BAIAP2L1: variants seen among roughly 807,000 people sequenced by gnomAD.
BAIAP2L1 encodes the protein BAR/IMD domain containing adaptor protein 2 like 1.
In BAIAP2L1, 35 loss-of-function variants were observed where a neutral mutation model predicts 66.3. The observed-to-expected ratio is 0.53, with a 90% CI of 0.40 to 0.70. The LOEUF (loss-of-function observed/expected upper bound fraction) is 0.70. Ranked by LOEUF, BAIAP2L1 falls within the 30% of genes least tolerant of loss-of-function variation. The probability of loss-of-function intolerance (pLI) is 0.00; values close to 1 mark genes in which losing one functional copy is unlikely to be tolerated. For missense variants in BAIAP2L1, 622 were observed against 656.9 expected, an observed-to-expected ratio of 0.95 and a Z score of 0.58; for synonymous variants, 269 against 248.7, an observed-to-expected ratio of 1.08 and a Z score of -0.77.
chr7:98,400,694 C>A, intron 1 of BAIAP2L1, 108 bp downstream of exon 1: 1 of 1,246,448 alleles, frequency 8.0e-7, no homozygotes, highest in Non-Finnish European at 1.1e-6. Flanking sequence ...TGGAAGGACG[C>A]GGGGGAGGGG....
intron 12 of BAIAP2L1, among the ~76,000 whole-genome samples, chr7:98,301,241 C>T (rs1032866480): frequency 1.3e-5 from 2 of 152,194 alleles, no homozygotes; most frequent in African/African-American, 2.4e-5. Flanking sequence ...TCCCTGTGGG[C>T]GTCACCTCCA....
At chr7:98,340,958 G>GTTTTT (rs1562776656) in intron 3 of BAIAP2L1, among the ~76,000 whole-genome samples, 6 of 59,702 alleles carry the variant, frequency 1.0e-4, no homozygotes, top group Non-Finnish European at 1.8e-4. Flanking sequence ...CCAGCTAATT[G>GTTTTT]GTTTTTTTTT....
chr7:98,313,011 A>G (rs777746412), intron 7 of BAIAP2L1, among the ~76,000 whole-genome samples: 2 of 152,132 alleles, frequency 1.3e-5, no homozygotes, highest in Non-Finnish European at 2.9e-5. Flanking sequence ...GGCTGTGTGC[A>G]TGGCAGTCAC....
chr7:98,329,547 A>G (rs1377009893), intron 3 of BAIAP2L1, among the ~76,000 whole-genome samples: 1 of 152,044 alleles, frequency 6.6e-6, no homozygotes, highest in Non-Finnish European at 1.5e-5. Flanking sequence ...GGTGGGAGGT[A>G]AACATTCTGA....
intron 9 of BAIAP2L1, 138 bp downstream of exon 9, chr7:98,310,307 C>T: frequency 1.1e-6 from 1 of 906,660 alleles, no homozygotes. Flanking sequence ...CTCTGCAAAG[C>T]CAGGGCTGAA....
rs34202570 is a variant in BAIAP2L1 at position 98,331,465 on chromosome 7, CTTTTTTTT to C, written c.215-11175_215-11168del. On this transcript the variant is annotated intron_variant, in intron 3 of 13. Transcript: ENST00000005260. Reference sequence around the variant, plus strand: ...ACTGTAGACTAGCAAAAAGAAAAATCTTTTTTTTTTTTTTTTTTTGGAGACAGACTTTC... The same window carrying C: ...ACTGTAGACTAGCAAAAAGAAAAATCTTTTTTTTTTTGGAGACAGACTTTC... Among the ~76,000 whole-genome samples the C allele has an allele frequency of 9.3e-4, 108 of 115,672 alleles. 2 individuals carry two copies. The East Asian group carries it at 0.011, about 12-fold the overall frequency. 75.9% of individuals were successfully genotyped at this position (115,672 alleles called of 152,430 possible). A position where few individuals can be genotyped will look rare whatever the true frequency, so the allele number is the denominator to read the frequency against.
Position 98,307,676 on chromosome 7 carries a change from C to T in BAIAP2L1, c.1163+13G>A, listed in dbSNP as rs368040146. 28 of 1,613,246 alleles carry T rather than the reference C, an allele frequency of 1.7e-5. No individual in the cohort carries two copies. In the African/African-American group the frequency reaches 2.3e-4, roughly 13 times the overall value. On this transcript the variant is annotated intron_variant, in intron 10 of 13. Transcript: ENST00000005260. ...GTCTGGTGCCCTGCGGGGACCATCA[C>T]GCCCAGACTTACGCCTTGGACACGT... is the stretch of plus-strand genomic sequence containing the variant.
intron 12 of BAIAP2L1, among the ~76,000 whole-genome samples, chr7:98,303,624 G>A (rs1800515950): frequency 6.6e-6 from 1 of 152,200 alleles, no homozygotes; most frequent in African/African-American, 2.4e-5. Flanking sequence ...CCACACCAGG[G>A]CCTCTGTGCG....
chr7:98,306,711 A>C (rs1470584390), intron 10 of BAIAP2L1, 195 bp from the exon 11 acceptor site: 7 of 828,478 alleles, frequency 8.4e-6, no homozygotes, highest in Non-Finnish European at 1.1e-5. Context: ...TATTGTTAAC[A>C]ATTTTTTTTT....
rs1281196126 is a variant in BAIAP2L1 at position 98,340,234 on chromosome 7, G to A, written c.214+14808C>T. Among the ~76,000 whole-genome samples, 3 of 152,324 alleles carry A rather than the reference G, an allele frequency of 2.0e-5. No homozygotes were observed. In the East Asian group the frequency reaches 5.8e-4, roughly 29 times the overall value. ...TGCCCAGTGAGCAATCTGGAAGCAT[G>A]AAGTGTGAAATGGCTAATCTGATTC... On this transcript the variant is annotated intron_variant, in intron 3 of 13. Coordinates refer to ENST00000005260, the MANE Select transcript of BAIAP2L1 (RefSeq NM_018842.5).
At chr7:98,328,555 G>A (rs1342364560) in intron 3 of BAIAP2L1, among the ~76,000 whole-genome samples, 1 of 151,906 alleles carries the variant, frequency 6.6e-6, no homozygotes, top group Non-Finnish European at 1.5e-5. Flanking sequence ...GACACGTGGA[G>A]CAGATGGGTT....
At chr7:98,398,396 A>G (rs1170666289) in intron 1 of BAIAP2L1, among the ~76,000 whole-genome samples, 1 of 152,104 alleles carries the variant, frequency 6.6e-6, no homozygotes, top group African/African-American at 2.4e-5. Context: ...AAGCCAAAGC[A>G]TGGGCTAGCA....
chr7:98,294,096 T>C lies in BAIAP2L1; in HGVS notation c.1438A>G (p.Thr480Ala), dbSNP rs149794421. The change falls in exon 13 of 14, where the codon ACT becomes GCT. Residue 480 changes from threonine (T) to alanine (A), a missense_variant. Physicochemically the swap from Thr to Ala is moderately conservative, Grantham distance 58 (BLOSUM62 0). Coordinates refer to ENST00000005260, the MANE Select transcript of BAIAP2L1 (RefSeq NM_018842.5). ...ETAAPNDANG[T>A]AKPPFLSGEN... is the part of the protein sequence containing the mutation. ...TACCTGAGAAAAGGCGGCTTTGCAG[T>C]CCCGTTGGCATCGTTCTGTGAGAAA... 1 of 1,614,024 alleles carries C rather than the reference T, an allele frequency of 6.2e-7. No individual in the cohort carries two copies. The highest frequency in any genetic ancestry group is 8.5e-7 in the Non-Finnish European group (1 of 1,179,970).
At chr7:98,340,284 A>G (rs1801709892) in intron 3 of BAIAP2L1, among the ~76,000 whole-genome samples, 2 of 151,966 alleles carry the variant, frequency 1.3e-5, no homozygotes. Context: ...TACATAAGTA[A>G]TATTTATTTC....
At chr7:98,348,336 G>A (rs1175454277) in intron 3 of BAIAP2L1, among the ~76,000 whole-genome samples, 1 of 152,044 alleles carries the variant, frequency 6.6e-6, no homozygotes, top group Non-Finnish European at 1.5e-5. Flanking sequence ...GGAGGCTGAG[G>A]TGGCCTGATC....
At chr7:98,304,096 T>TG in intron 12 of BAIAP2L1, 100 bp downstream of exon 12, 1 of 1,278,082 alleles carries the variant, frequency 7.8e-7, no homozygotes. Context: ...ACTCTCCCCC[T>TG]GGGGACAGAG....
At chr7:98,317,189 A>G in intron 6 of BAIAP2L1, 30 bp downstream of exon 6, 1 of 1,613,924 alleles carries the variant, frequency 6.2e-7, no homozygotes, top group Non-Finnish European at 8.5e-7. Context: ...TCAACAACAA[A>G]AGAAAACAAG....
rs1368878066 is a variant in BAIAP2L1, at chr7:98,293,540, G to A, written c.1517C>T (p.Ser506Leu). ...KLRPTVTNDR[S>L]APIIR ...GTCCTCTCATCGAATGATGGGTGCC[G>A]AGCGATCATTCGTCACAGTCGGGCG... Residue 506 changes from serine (S) to leucine (L), a missense_variant, in exon 14 of 14, where the codon TCG (serine) becomes TTG (leucine). By Grantham distance (145) the Ser-to-Leu change is moderately radical. Transcript: ENST00000005260. 3.1e-6 allele frequency: 5 copies of A among 1,613,554 alleles called. No homozygotes were observed. Among genetic ancestry groups the A allele is most frequent in the African/African-American group, 1.3e-5 (1 of 74,930 alleles).
intron 1 of BAIAP2L1, among the ~76,000 whole-genome samples, chr7:98,382,082 C>T (rs561526325): frequency 7.9e-5 from 12 of 151,988 alleles, no homozygotes; most frequent in Non-Finnish European, 1.3e-4. Context: ...CCTGCCACCA[C>T]GCCCGGCTTT....
Sources: gnomAD v4.1 joint callset for allele counts (sites outside exome capture counted in the v4.1 genomes callset) on GRCh38, gnomAD v4.1.1 for gene constraint, MANE v1.5 for transcripts, NCBI Gene and HGNC (gene_info 2026-07-23, HGNC 2026-07-21) for gene names.